The following VPS13A variants were observed in gnomAD, a reference collection of about 807,000 sequenced individuals.
VPS13A encodes vacuolar protein sorting 13 homolog A.
In VPS13A, 264 loss-of-function variants were observed where a neutral mutation model predicts 390.9. That is an observed-to-expected ratio of 0.68 (90% CI 0.61 to 0.75). The LOEUF (loss-of-function observed/expected upper bound fraction) is 0.75. Among genes scored for constraint, VPS13A ranks in the 30% least tolerant of loss-of-function variants. The probability of loss-of-function intolerance (pLI) is 0.00; values close to 1 mark genes in which losing one functional copy is unlikely to be tolerated. For missense variants in VPS13A, 3,409 were observed against 3,733.9 expected, an observed-to-expected ratio of 0.91 and a Z score of 2.27; for synonymous variants, 1,231 against 1,227.1, an observed-to-expected ratio of 1.00 and a Z score of -0.07.
chr9:77,363,390 ATTTTTTTTTTTTTATT>A (rs1198454971), intron 59 of VPS13A, among the ~76,000 whole-genome samples: 1 of 115,802 alleles, frequency 8.6e-6, no homozygotes, highest in Non-Finnish European at 1.8e-5. Flanking sequence ...TATTACATTA[ATTTTTTTTTTTTTATT>A]TTTTTTTTTT....
intron 1 of VPS13A, among the ~76,000 whole-genome samples, chr9:77,180,794 A>C (rs1166838628): frequency 6.6e-6 from 1 of 152,224 alleles, no homozygotes; most frequent in South Asian, 2.1e-4. Context: ...TCATTTCACC[A>C]ATACTACACT....
intron 23 of VPS13A, among the ~76,000 whole-genome samples, chr9:77,270,519 C>T (rs1259875372): frequency 1.3e-5 from 2 of 152,034 alleles, no homozygotes; most frequent in Non-Finnish European, 2.9e-5. Context: ...GATGAAATCC[C>T]GTCTCTACTA....
chr9:77,239,700 T>A (rs1824356750), intron 19 of VPS13A, among the ~76,000 whole-genome samples: 1 of 151,974 alleles, frequency 6.6e-6, no homozygotes, highest in Non-Finnish European at 1.5e-5. Context: ...TTATATCTAC[T>A]TTTTGCATTT....
chr9:77,348,025 G>T (rs537464629), intron 52 of VPS13A, among the ~76,000 whole-genome samples: 1 of 152,142 alleles, frequency 6.6e-6, no homozygotes, highest in Non-Finnish European at 1.5e-5. Context: ...ACTGTTGCTG[G>T]AAGTGTTAAT....
Position 77,321,731 on chromosome 9 carries a change from T to A in VPS13A, c.5815T>A (p.Phe1939Ile). 1.2e-6 allele frequency: 2 copies of A among 1,613,084 alleles called. No homozygotes were observed. Among genetic ancestry groups the A allele is most frequent in the Non-Finnish European group, 1.7e-6 (2 of 1,179,354 alleles). ...NAMTSLSSKLFFILLTPVNHS... is the reference protein window; with the variant it reads ...NAMTSLSSKLIFILLTPVNHS... Reference sequence around the variant, plus strand: ...AATGACCAGCCTAAGCAGCAAACTCTTCTTCATTCTTCTTAGTAAGTAGTT... The same window carrying A: ...AATGACCAGCCTAAGCAGCAAACTCATCTTCATTCTTCTTAGTAAGTAGTT... The change falls in exon 44 of 72, where the codon TTC (phenylalanine) becomes ATC (isoleucine). Residue 1939 changes from phenylalanine (F) to isoleucine (I), a missense_variant. By Grantham distance (21) the Phe-to-Ile change is conservative (BLOSUM62 0). Coordinates refer to ENST00000360280, the MANE Select transcript of VPS13A (RefSeq NM_033305.3).
intron 1 of VPS13A, among the ~76,000 whole-genome samples, chr9:77,194,286 G>A (rs967255742): frequency 1.3e-5 from 2 of 151,954 alleles, no homozygotes; most frequent in African/African-American, 4.8e-5. Context: ...GAAGTGCTGC[G>A]GTTGGGCATC....
At chr9:77,385,099 A>C (rs1201635986) in intron 68 of VPS13A, 12 of 988,072 alleles carry the variant, frequency 1.2e-5, no homozygotes, top group African/African-American at 3.5e-5. Context: ...AAAAGGAAGA[A>C]AATAGTAATA....
At chr9:77,331,699 A>G (rs1266755110) in intron 45 of VPS13A, among the ~76,000 whole-genome samples, 2 of 151,834 alleles carry the variant, frequency 1.3e-5, no homozygotes, top group South Asian at 2.1e-4. Context: ...ATTTTTTTCT[A>G]CTATTTTTAT....
intron 1 of VPS13A, among the ~76,000 whole-genome samples, chr9:77,193,628 T>G (rs1044484694): frequency 6.6e-6 from 1 of 152,076 alleles, no homozygotes; most frequent in Non-Finnish European, 1.5e-5. Context: ...GGCAAAACTC[T>G]CTCTTCAAAA....
chr9:77,220,671 G>T lies in VPS13A; in HGVS notation c.989+288G>T, dbSNP rs73466005. ...TAGAATTATTACAAAAACAAATCCT[G>T]GTTTGTTTTCTTGCATTGTCTCTCC... On this transcript the variant is annotated intron_variant, in intron 12 of 71. Transcript: ENST00000360280. Among the ~76,000 whole-genome samples the T allele has an allele frequency of 1.2e-3, 185 of 152,012 alleles. 1 individual carries two copies. The highest frequency in any genetic ancestry group is 4.1e-3 in the African/African-American group (172 of 41,498).
chr9:77,300,086 T>TA (rs891776554), intron 33 of VPS13A, among the ~76,000 whole-genome samples: 4 of 152,134 alleles, frequency 2.6e-5, no homozygotes, highest in South Asian at 4.2e-4. Context: ...AGAACTAGTA[T>TA]AAAAAAAATT....
At chr9:77,371,231 A>C in intron 67 of VPS13A, 82 bp downstream of exon 67, 1 of 1,582,622 alleles carries the variant, frequency 6.3e-7, no homozygotes, top group Non-Finnish European at 8.6e-7. Flanking sequence ...GGCTTCAGGC[A>C]TTTAGTTATT....
At chr9:77,220,625 C>T (rs1450143928) in intron 12 of VPS13A, among the ~76,000 whole-genome samples, 4 of 152,046 alleles carry the variant, frequency 2.6e-5, no homozygotes, top group African/African-American at 9.7e-5. Context: ...TTTTCATTTA[C>T]TATGGACGGG....
chr9:77,205,583 ATTAT>A (rs1825592205), intron 4 of VPS13A, among the ~76,000 whole-genome samples, 175 bp downstream of exon 4: 1 of 151,562 alleles, frequency 6.6e-6, no homozygotes, highest in Non-Finnish European at 1.5e-5. Flanking sequence ...TGAATTATTT[ATTAT>A]TTATTTATTA....
At chr9:77,387,937 G>T (rs577621503) in intron 68 of VPS13A, among the ~76,000 whole-genome samples, 189 of 152,266 alleles carry the variant, frequency 1.2e-3, no homozygotes, top group African/African-American at 4.4e-3. Context: ...CTACTAGTTT[G>T]TCTGATTTAA....
Position 77,252,431 on chromosome 9 carries a change from C to G in VPS13A, c.2288+79C>G, listed in dbSNP as rs528454484. 1.8e-5 allele frequency: 21 copies of G among 1,144,594 alleles called. No individual in the cohort carries two copies. The South Asian group carries it at 2.5e-4, about 13-fold the overall frequency. The allele number at this position is 1,144,594 out of a possible 1,614,324, so 70.9% of individuals were successfully genotyped here. On this transcript the variant is annotated intron_variant, in intron 22 of 71. Transcript: ENST00000360280. ...AGGGAAATACCATACTTAACTGACT[C>G]TTCCTTGTGTGTGTGGTGAAATGTA...
chr9:77,256,032 G>C (rs549365830), intron 22 of VPS13A, among the ~76,000 whole-genome samples: 1 of 151,574 alleles, frequency 6.6e-6, no homozygotes, highest in South Asian at 2.1e-4. Context: ...ATTTCGGGTA[G>C]CTTTAGGTTT....
At chr9:77,353,363 A>T in intron 53 of VPS13A, 46 bp from the exon 54 acceptor site, 1 of 1,454,856 alleles carries the variant, frequency 6.9e-7, no homozygotes, top group Non-Finnish European at 9.5e-7. Context: ...TTGGGACCAA[A>T]TTCTAATTTT....
In VPS13A at chr9:77,332,012, A is replaced by G. The variant is rs1368944545; in HGVS notation, c.5994A>G (p.Ile1998Met). The G allele has an allele frequency of 6.2e-7, 1 of 1,603,740 alleles. No individual in the cohort carries two copies. The highest frequency in any genetic ancestry group is 8.5e-7 in the Non-Finnish European group (1 of 1,171,216). Reference sequence around the variant, plus strand: ...TATTATTTGTTTTTCTTTCCCAGATAAGAAATCATTTTTCAGTCCCACTGT... The same window carrying G: ...TATTATTTGTTTTTCTTTCCCAGATGAGAAATCATTTTTCAGTCCCACTGT... ...KKVTIRSPVQ[I>M]RNHFSVPLSV... is the part of the protein sequence containing the mutation. The change falls in exon 46 of 72, where the codon ATA becomes ATG. Residue 1998 changes from isoleucine to methionine, a missense_variant and splice_region_variant. Transcript: ENST00000360280.
Sources: allele counts gnomAD v4.1 joint callset (sites outside exome capture counted in the v4.1 genomes callset), GRCh38; gene constraint gnomAD v4.1.1; transcripts MANE v1.5; gene names NCBI Gene and HGNC (gene_info 2026-07-23, HGNC 2026-07-21).